Variants in SLC20A2 observed in about 807,000 individuals in gnomAD.
The protein encoded by SLC20A2 is solute carrier family 20 member 2.
In SLC20A2, 30 loss-of-function variants were observed where a neutral mutation model predicts 61.0. That is an observed-to-expected ratio of 0.49 (90% confidence interval 0.37 to 0.67). The LOEUF (loss-of-function observed/expected upper bound fraction) is 0.67. Among genes scored for constraint, SLC20A2 ranks in the 30% least tolerant of loss-of-function variants. The pLI, the probability that SLC20A2 is intolerant of heterozygous loss-of-function variation, is 0.00. For missense variants in SLC20A2, 626 were observed against 866.4 expected, an observed-to-expected ratio of 0.72 and a Z score of 3.48; for synonymous variants, 351 against 353.3, an observed-to-expected ratio of 0.99 and a Z score of 0.07.
chr8:42,455,649 C>CA (rs1402794177), intron 5 of SLC20A2, among the ~76,000 whole-genome samples: 127 of 135,322 alleles, frequency 9.4e-4, no homozygotes, highest in Admixed American at 2.6e-3. Context: ...CACTCCGTCT[C>CA]AAAAAAAAAA....
At chr8:42,508,211 C>G (rs114879559) in intron 1 of SLC20A2, among the ~76,000 whole-genome samples, 2,746 of 151,062 alleles carry the variant, frequency 0.018, 36 homozygotes, top group Middle Eastern at 0.039. Flanking sequence ...CAGTGGCTCA[C>G]ACCTGTAATA....
intron 1 of SLC20A2, among the ~76,000 whole-genome samples, chr8:42,512,224 T>C (rs973047789): frequency 6.6e-6 from 1 of 152,148 alleles, no homozygotes; most frequent in African/African-American, 2.4e-5. Context: ...TTTTTAAAAA[T>C]GCTCTTTGAA....
intron 1 of SLC20A2, among the ~76,000 whole-genome samples, chr8:42,524,920 C>G (rs927586658): frequency 6.6e-6 from 1 of 152,170 alleles, no homozygotes; most frequent in African/African-American, 2.4e-5. Context: ...ATCATCTCAC[C>G]TAATAAAAAG....
At chr8:42,527,047 T>G (rs1812008722) in intron 1 of SLC20A2, among the ~76,000 whole-genome samples, 1 of 149,728 alleles carries the variant, frequency 6.7e-6, no homozygotes, top group Non-Finnish European at 1.5e-5. Context: ...GAGGCTGCAG[T>G]GAGCTGAGTT....
chr8:42,459,184 C>A (rs1483507585), intron 5 of SLC20A2, among the ~76,000 whole-genome samples: 1 of 125,188 alleles, frequency 8.0e-6, no homozygotes, highest in African/African-American at 3.1e-5. Context: ...TGCAGTTTTC[C>A]AAGATAGCGC....
At chr8:42,476,350 G>A (rs887258296) in intron 1 of SLC20A2, among the ~76,000 whole-genome samples, 35 of 151,804 alleles carry the variant, frequency 2.3e-4, no homozygotes, top group Non-Finnish European at 7.4e-5. Flanking sequence ...TGATCCGCCC[G>A]CCTCAGCCTC....
At chr8:42,466,030 G>A (rs1807133035) in intron 2 of SLC20A2, 113 bp from the exon 3 acceptor site, 2 of 985,082 alleles carry the variant, frequency 2.0e-6, no homozygotes, top group Non-Finnish European at 2.9e-6. Flanking sequence ...AATTTTCTGT[G>A]AATTGTTTCT....
At chr8:42,497,504 C>A (rs1300521113) in intron 1 of SLC20A2, among the ~76,000 whole-genome samples, 1 of 152,122 alleles carries the variant, frequency 6.6e-6, no homozygotes. Context: ...CCACTGTCGG[C>A]ACCTCTGTTC....
chr8:42,472,155 A>G lies in SLC20A2; in HGVS notation c.236T>C (p.Leu79Pro), dbSNP rs1390551547. 6.2e-7 allele frequency: 1 copy of G among 1,614,054 alleles called. No homozygotes were observed. The highest frequency in any genetic ancestry group is 1.1e-5 in the South Asian group (1 of 91,070). Residue 79 changes from leucine (L) to proline (P), a missense_variant, in exon 2 of 11, where the codon CTG becomes CCG. Transcript: ENST00000520262. This position sits in a 1 kb window ranked among gnomAD's most constrained non-coding sequence, Gnocchi z 4.1. Reference sequence around the variant, plus strand: ...GAGAGTCTCCACCGTCTCGTTGTACAGGTTCACGTCAATGATACCTTTGCG... The same window carrying G: ...GAGAGTCTCCACCGTCTCGTTGTACGGGTTCACGTCAATGATACCTTTGCG... ...TIRKGIIDVN[L>P]YNETVETLMA...
chr8:42,452,045 G>A (rs1471327659), intron 5 of SLC20A2, among the ~76,000 whole-genome samples: 1 of 115,196 alleles, frequency 8.7e-6, no homozygotes, highest in Non-Finnish European at 1.6e-5. Context: ...GGAAGAGAGG[G>A]GGAGGAAGAG....
chr8:42,448,675 G>C (rs2131078808), intron 5 of SLC20A2, among the ~76,000 whole-genome samples: 1 of 152,316 alleles, frequency 6.6e-6, no homozygotes, highest in Admixed American at 6.5e-5. Context: ...GGGGAAGCAG[G>C]AGAGAAACGC....
chr8:42,428,674 C>A (rs929774690), intron 10 of SLC20A2, 84 bp downstream of exon 10: 1 of 1,242,474 alleles, frequency 8.0e-7, no homozygotes, highest in African/African-American at 1.5e-5. Context: ...CTACAGAGCC[C>A]TACAGCTTCC....
intron 6 of SLC20A2, among the ~76,000 whole-genome samples, chr8:42,441,956 T>C (rs1361631270): frequency 1.3e-5 from 2 of 148,244 alleles, no homozygotes; most frequent in African/African-American, 2.6e-5. Flanking sequence ...TTTTTTGAGA[T>C]GGAGTTTTGC....
In SLC20A2 at chr8:42,458,507, C is replaced by T. The variant is rs1045232243; in HGVS notation, c.613+1389G>A. On this transcript the variant is annotated intron_variant, in intron 5 of 10. Coordinates refer to ENST00000520262, the MANE Select transcript of SLC20A2 (RefSeq NM_001257180.2). The stretch of plus-strand genomic sequence containing the variant: ...GTGTGGTGGCACACACCTGTGGTTC[C>T]GGCTACTCAGGGGGCTGAGGTGGGA... Among the ~76,000 whole-genome samples, 7 of 151,302 alleles carry T rather than the reference C, an allele frequency of 4.6e-5. No individual in the cohort carries two copies. The East Asian group carries it at 7.8e-4, about 17-fold the overall frequency.
intron 1 of SLC20A2, among the ~76,000 whole-genome samples, chr8:42,515,563 G>A (rs776305101): frequency 6.6e-6 from 1 of 152,082 alleles, no homozygotes; most frequent in Non-Finnish European, 1.5e-5. Flanking sequence ...GCAAGTGAGA[G>A]AACAGACCTA....
chr8:42,479,089 C>G (rs1808374664), intron 1 of SLC20A2, among the ~76,000 whole-genome samples: 1 of 152,154 alleles, frequency 6.6e-6, no homozygotes, highest in Non-Finnish European at 1.5e-5. Flanking sequence ...AAGGCCTGCT[C>G]CAGGGCCAGC....
intron 5 of SLC20A2, among the ~76,000 whole-genome samples, chr8:42,452,437 T>A (rs535689067): frequency 5.7e-4 from 50 of 87,648 alleles, no homozygotes; most frequent in Admixed American, 2.5e-3. Flanking sequence ...GAGGAAGAGA[T>A]GAAGAGGAGG....
At chr8:42,452,040 AGAGGGGGAGGAAGAGATGAAGAG>A (rs1251083904) in intron 5 of SLC20A2, among the ~76,000 whole-genome samples, 5 of 95,292 alleles carry the variant, frequency 5.2e-5, no homozygotes, top group Admixed American at 2.6e-4. Context: ...GAGGAGGAAG[AGAGGGGGAGGAAGAGATGAAGAG>A]GAGGGGGAGG....
At chr8:42,489,025 C>T (rs775053390) in intron 1 of SLC20A2, among the ~76,000 whole-genome samples, 12 of 150,306 alleles carry the variant, frequency 8.0e-5, no homozygotes, top group Non-Finnish European at 1.5e-4. Context: ...CTGCAACCTC[C>T]GCCTCCTAGG....
Sources: allele counts gnomAD v4.1 joint callset (sites outside exome capture counted in the v4.1 genomes callset), GRCh38; gene constraint gnomAD v4.1.1; non-coding constraint Gnocchi (gnomAD v3.1); transcripts MANE v1.5; gene names NCBI Gene and HGNC (gene_info 2026-07-23, HGNC 2026-07-21).